Variants in VPS33B observed in about 807,000 individuals in gnomAD.
VPS33B encodes VPS33B late endosome and lysosome associated.
VPS33B carries 80 observed loss-of-function variants against 95.3 expected under a neutral mutation model. That is an observed-to-expected ratio of 0.84 (90% confidence interval 0.70 to 1.01). VPS33B has a LOEUF of 1.01. VPS33B is among the 50% of genes least tolerant of loss of function. The pLI, the probability that VPS33B is intolerant of heterozygous loss-of-function variation, is 0.00. For synonymous variants in VPS33B, 280 were observed against 280.4 expected (o/e 1.00, Z 0.01); for missense variants, 715 against 773.4 (o/e 0.92, Z 0.90).
At position 91,002,425 on chromosome 15, in the gene VPS33B, G is replaced by C. The variant is rs1596351828; in HGVS notation, c.1273-243C>G. Among the ~76,000 whole-genome samples the C allele has an allele frequency of 6.6e-6, 1 of 152,136 alleles. No individual in the cohort carries two copies. The highest frequency in any genetic ancestry group is 2.1e-4 in the South Asian group (1 of 4,834). On this transcript the variant is annotated intron_variant, in intron 17 of 22. Coordinates refer to ENST00000333371, the MANE Select transcript of VPS33B (RefSeq NM_018668.5). This position sits in a 1 kb window ranked among gnomAD's most constrained non-coding sequence, Gnocchi z 4.7. ...GCAGGCAGATCACTTGAGGTCAGGA[G>C]TTTGAGACCAGCCTGGCCAACATGG...
chr15:91,014,492 T>C (rs2040869008), intron 3 of VPS33B, 59 bp from the exon 4 acceptor site: 1 of 1,579,680 alleles, frequency 6.3e-7, no homozygotes, highest in South Asian at 1.1e-5. Flanking sequence ...GATAGCAACT[T>C]AGAAGAAACT....
At position 91,018,384 on chromosome 15, in the gene VPS33B, T is replaced by A. The variant is rs1053851694; in HGVS notation, c.97-499A>T. On this transcript the variant is annotated intron_variant, in intron 1 of 22. Coordinates refer to ENST00000333371, the MANE Select transcript of VPS33B (RefSeq NM_018668.5). The surrounding 1 kb of genome is among the most constrained non-coding windows in gnomAD (Gnocchi z 4.7). ...CCACTCCCCCACCCCACAATCCCTG[T>A]CATACGATTCCTGCACCACCACTCC... Among the ~76,000 whole-genome samples, 1 of 152,126 alleles carries A rather than the reference T, an allele frequency of 6.6e-6. No homozygotes were observed. Among genetic ancestry groups the A allele is most frequent in the Non-Finnish European group, 1.5e-5 (1 of 68,022 alleles).
At chr15:91,022,092 G>A (rs928264603) in intron 1 of VPS33B, 62 bp downstream of exon 1, 12 of 1,526,730 alleles carry the variant, frequency 7.9e-6, no homozygotes, top group Non-Finnish European at 9.8e-6. Flanking sequence ...CGGCAAGGAA[G>A]AAATGTGCAT....
Position 91,022,205 on chromosome 15 carries a change from G to A in VPS33B, c.45C>T (p.Phe15=). ...CTCGAGCCAGCCTCTTCAGCATGGAGAAGTCAGGCAGCTCAGGGGCGTCCG... is the reference window on the plus strand; with the variant it reads ...CTCGAGCCAGCCTCTTCAGCATGGAAAAGTCAGGCAGCTCAGGGGCGTCCG... The part of the protein sequence containing the change: ...HRPDAPELPD[F]SMLKRLARDQ... Residue 15 remains phenylalanine, a synonymous_variant, in exon 1 of 23, where the codon TTC becomes TTT. Coordinates refer to ENST00000333371, the MANE Select transcript of VPS33B (RefSeq NM_018668.5). 1.9e-6 allele frequency: 3 copies of A among 1,588,498 alleles called. No individual in the cohort carries two copies. Among genetic ancestry groups the A allele is most frequent in the Non-Finnish European group, 2.6e-6 (3 of 1,165,964 alleles).
At position 91,006,267 on chromosome 15, in the gene VPS33B, TC is replaced by T. The variant is rs1158190818; in HGVS notation, c.852+104del. 6.6e-7 allele frequency: 1 copy of T among 1,525,844 alleles called. No homozygotes were observed. Among genetic ancestry groups the T allele is most frequent in the Non-Finnish European group, 9.1e-7 (1 of 1,102,090 alleles). The allele number at this position is 1,525,844 out of a possible 1,614,324, so 94.5% of individuals were successfully genotyped here. On this transcript the variant is annotated intron_variant, in intron 11 of 22. Transcript: ENST00000333371. The surrounding 1 kb of genome is among the most constrained non-coding windows in gnomAD (Gnocchi z 5.4). ...AACCCTCTCTCCCATAGACTCAGCCTCCCCTCTCAGAGCTGGGGCCCACAGC... is the reference window on the plus strand; with the variant it reads ...AACCCTCTCTCCCATAGACTCAGCCTCCCTCTCAGAGCTGGGGCCCACAGC...
In VPS33B at chr15:91,007,958, C is replaced by T. The variant is rs1187015165; in HGVS notation, c.410G>A (p.Ser137Asn). Residue 137 changes from serine (S) to asparagine (N), a missense_variant, in exon 7 of 23, where the codon AGC becomes AAC. By Grantham distance (46) the Ser-to-Asn change is conservative (BLOSUM62 1). Transcript: ENST00000333371. The surrounding 1 kb of genome is among the most constrained non-coding windows in gnomAD (Gnocchi z 5.3). ...CAAAGAGAAGGCCCATTCATCACAG[C>T]TCACATCTGTGGGGACAGAGAGCAT... ...LEEEGIYGDV[S>N]CDEWAFSLLP... is the part of the protein sequence containing the mutation. 1.9e-6 allele frequency: 3 copies of T among 1,614,016 alleles called. No homozygotes were observed. In the African/African-American group the frequency reaches 4.0e-5, roughly 22 times the overall value.
At position 91,017,365 on chromosome 15, in the gene VPS33B, T is replaced by TTAAAAAAAAAAAAAAAAAAAAAAAAAAA. The variant is rs1555460460; in HGVS notation, c.178-342_178-341insTTTTTTTTTTTTTTTTTTTTTTTTTTTA. On this transcript the variant is annotated intron_variant, in intron 2 of 22. Transcript: ENST00000333371. The stretch of plus-strand genomic sequence containing the variant: ...TAACAAGACTCCATCTCTACAAAAT[T>TTAAAAAAAAAAAAAAAAAAAAAAAAAAA]AAATATATATATATATATATATATA... 2.2e-3 allele frequency among the ~76,000 whole-genome samples: 38 copies of TTAAAAAAAAAAAAAAAAAAAAAAAAAAA among 16,998 alleles called. 11 individuals are homozygous for TTAAAAAAAAAAAAAAAAAAAAAAAAAAA. The East Asian group carries it at 0.029, about 13-fold the overall frequency. 11.2% of individuals were successfully genotyped at this position (16,998 alleles called of 152,430 possible). A position where few individuals can be genotyped will look rare whatever the true frequency, so the allele number is the denominator to read the frequency against.
At position 91,022,166 on chromosome 15, in the gene VPS33B, A is replaced by G. The variant is rs2041122746; in HGVS notation, c.84T>C (p.Tyr28=). Residue 28 remains tyrosine (Y), a synonymous_variant, in exon 1 of 23, where the codon TAT becomes TAC. Coordinates refer to ENST00000333371, the MANE Select transcript of VPS33B (RefSeq NM_018668.5). ...GGCAAGCACTGACCTGCTCCAGCAGATAGATGAGCTGGTCTCGAGCCAGCC... is the reference window on the plus strand; with the variant it reads ...GGCAAGCACTGACCTGCTCCAGCAGGTAGATGAGCTGGTCTCGAGCCAGCC... ...LKRLARDQLI[Y]LLEQLPGKKD... 2 of 1,565,284 alleles carry G rather than the reference A, an allele frequency of 1.3e-6. No individual in the cohort carries two copies. Among genetic ancestry groups the G allele is most frequent in the Non-Finnish European group, 8.7e-7 (1 of 1,153,826 alleles).
intron 1 of VPS33B, among the ~76,000 whole-genome samples, chr15:91,020,165 T>G (rs1354620724): frequency 6.6e-6 from 1 of 152,182 alleles, no homozygotes. Flanking sequence ...TAACTTATGG[T>G]AGGGCTATAA....
Position 91,018,939 on chromosome 15 carries a change from C to T in VPS33B, c.97-1054G>A, listed in dbSNP as rs1421133848. Among the ~76,000 whole-genome samples the T allele has an allele frequency of 6.6e-6, 1 of 151,944 alleles. No individual in the cohort carries two copies. The highest frequency in any genetic ancestry group is 1.5e-5 in the Non-Finnish European group (1 of 67,990). ...CAAGCAATTCTCTGCCTCAGCCTCC[C>T]GAGTAGCTGAGATTACAGGTGCCTG... On this transcript the variant is annotated intron_variant, in intron 1 of 22. Coordinates refer to ENST00000333371, the MANE Select transcript of VPS33B (RefSeq NM_018668.5). This position sits in a 1 kb window ranked among gnomAD's most constrained non-coding sequence, Gnocchi z 4.7.
At chr15:91,008,967 C>T (rs1353084257) in intron 6 of VPS33B, among the ~76,000 whole-genome samples, 5 of 152,118 alleles carry the variant, frequency 3.3e-5, no homozygotes, top group African/African-American at 1.2e-4. Context: ...GGAAGCAGCA[C>T]ACGATGAGGC....
rs1464165370 is a variant in VPS33B at position 91,001,544 on chromosome 15, A to G, written c.1406-82T>C. On this transcript the variant is annotated intron_variant, in intron 18 of 22. Transcript: ENST00000333371. ...CACAGATAACACCATTCAGGACACGACAGCACCAATCACATCCAAAAACTC... is the reference window on the plus strand; with the variant it reads ...CACAGATAACACCATTCAGGACACGGCAGCACCAATCACATCCAAAAACTC... 8 of 1,155,242 alleles carry G rather than the reference A, an allele frequency of 6.9e-6. No homozygotes were observed. In the African/African-American group the frequency reaches 9.1e-5, roughly 13 times the overall value. The allele number at this position is 1,155,242 out of a possible 1,614,324, so 71.6% of individuals were successfully genotyped here.
Position 90,999,026 on chromosome 15 carries a change from T to A in VPS33B, c.1803A>T (p.Ala601=), listed in dbSNP as rs1241556975. 1.2e-6 allele frequency: 2 copies of A among 1,614,202 alleles called. No individual in the cohort carries two copies. The highest frequency in any genetic ancestry group is 3.3e-5 in the Admixed American group (2 of 60,018). ...CCATAAGGCGAGCGCTGTTTGTGAC[T>A]GCTGTCGTCAGGAAAATGAACCTGT... is the stretch of plus-strand genomic sequence containing the variant. ...KGYRFIFLTT[A]VTNSARLMEA... Residue 601 remains alanine, a synonymous_variant, in exon 23 of 23, where the codon GCA becomes GCT. Coordinates refer to ENST00000333371, the MANE Select transcript of VPS33B (RefSeq NM_018668.5). This position sits in a 1 kb window ranked among gnomAD's most constrained non-coding sequence, Gnocchi z 5.1.
In VPS33B at chr15:91,013,624, A is replaced by G. The variant is rs543852922; in HGVS notation, c.357+180T>C. Reference sequence around the variant, plus strand: ...CAGCCCCACAGTCTTGGATTTCACAACCTCCCCAGACCATGAGCTAAATAA... The same window carrying G: ...CAGCCCCACAGTCTTGGATTTCACAGCCTCCCCAGACCATGAGCTAAATAA... On this transcript the variant is annotated intron_variant, in intron 5 of 22. Coordinates refer to ENST00000333371, the MANE Select transcript of VPS33B (RefSeq NM_018668.5). This position sits in a 1 kb window ranked among gnomAD's most constrained non-coding sequence, Gnocchi z 4.5. 2.8e-4 allele frequency among the ~76,000 whole-genome samples: 43 copies of G among 151,914 alleles called. No homozygotes were observed. The highest frequency in any genetic ancestry group is 1.0e-3 in the African/African-American group (42 of 41,410).
rs1349070657 is a variant in VPS33B, at chr15:90,999,993, CTGTTT to C, written c.1582-23_1582-19del. ...TCTAGCACCTGGGAAGGTGTAAGCACTGTTTTTAAGGCTACAGACAGTATCAGGCT... is the reference window on the plus strand; with the variant it reads ...TCTAGCACCTGGGAAGGTGTAAGCACTTAAGGCTACAGACAGTATCAGGCT... On this transcript the variant is annotated intron_variant, in intron 20 of 22. Coordinates refer to ENST00000333371, the MANE Select transcript of VPS33B (RefSeq NM_018668.5). This position sits in a 1 kb window ranked among gnomAD's most constrained non-coding sequence, Gnocchi z 5.1. The C allele has an allele frequency of 1.2e-6, 2 of 1,613,986 alleles. No homozygotes were observed. Among genetic ancestry groups the C allele is most frequent in the East Asian group, 4.5e-5 (2 of 44,904 alleles).
rs1436785205 is a variant in VPS33B, at chr15:91,008,000, G to C, written c.404-36C>G. On this transcript the variant is annotated intron_variant, in intron 6 of 22. Coordinates refer to ENST00000333371, the MANE Select transcript of VPS33B (RefSeq NM_018668.5). This position sits in a 1 kb window ranked among gnomAD's most constrained non-coding sequence, Gnocchi z 5.3. ...AGAGAGCATCAGCCTCCCTGCAGAA[G>C]GTACTTAGCTCCACGTTAAGAGGGA... 2 of 1,601,036 alleles carry C rather than the reference G, an allele frequency of 1.2e-6. No homozygotes were observed. Among genetic ancestry groups the C allele is most frequent in the Non-Finnish European group, 1.7e-6 (2 of 1,168,198 alleles).
Position 90,998,860 on chromosome 15 carries a change from C to T in VPS33B, c.*115G>A, listed in dbSNP as rs2040347129. 3 of 1,079,910 alleles carry T rather than the reference C, an allele frequency of 2.8e-6. No homozygotes were observed. Among genetic ancestry groups the T allele is most frequent in the South Asian group, 1.3e-5 (1 of 75,152 alleles). The allele number at this position is 1,079,910 out of a possible 1,614,324, so 66.9% of individuals were successfully genotyped here. A position where few individuals can be genotyped will look rare whatever the true frequency, so the allele number is the denominator to read the frequency against. ...TCTAAATCCCAACACGTTCCATGCTCCCGGCTCTTAGCAGGTAGTTGGTGG... is the reference window on the plus strand; with the variant it reads ...TCTAAATCCCAACACGTTCCATGCTTCCGGCTCTTAGCAGGTAGTTGGTGG... On this transcript the variant is annotated 3_prime_UTR_variant, in exon 23 of 23. Coordinates refer to ENST00000333371, the MANE Select transcript of VPS33B (RefSeq NM_018668.5). The surrounding 1 kb of genome is among the most constrained non-coding windows in gnomAD (Gnocchi z 4.8).
At position 90,999,304 on chromosome 15, in the gene VPS33B, A is replaced by G; in HGVS notation, c.1775-250T>C. The G allele has an allele frequency of 1.7e-6, 1 of 582,806 alleles. No homozygotes were observed. The highest frequency in any genetic ancestry group is 3.0e-5 in the Admixed American group (1 of 32,818). 36.1% of individuals were successfully genotyped at this position (582,806 alleles called of 1,614,324 possible). A position where few individuals can be genotyped will look rare whatever the true frequency, so the allele number is the denominator to read the frequency against. On this transcript the variant is annotated intron_variant, in intron 22 of 22. Coordinates refer to ENST00000333371, the MANE Select transcript of VPS33B (RefSeq NM_018668.5). This position sits in a 1 kb window ranked among gnomAD's most constrained non-coding sequence, Gnocchi z 5.1. ...GGCCAGGAGAAAAATATTCCTGTGC[A>G]GGACACTTTGCGTGTTTTTTTTTTT...
At chr15:91,004,217 T>C (rs1333682631) in intron 16 of VPS33B, among the ~76,000 whole-genome samples, 5 of 135,630 alleles carry the variant, frequency 3.7e-5, no homozygotes, top group African/African-American at 1.6e-4. Context: ...AGCAAGACTC[T>C]GTCTTAAAAA....
Sources: gnomAD v4.1 joint callset for allele counts (sites outside exome capture counted in the v4.1 genomes callset) on GRCh38, gnomAD v4.1.1 for gene constraint, Gnocchi (gnomAD v3.1) non-coding constraint, MANE v1.5 for transcripts, NCBI Gene and HGNC (gene_info 2026-07-23, HGNC 2026-07-21) for gene names.